LYPD6: variants seen among roughly 807,000 people sequenced by gnomAD.
LYPD6 encodes the protein LY6/PLAUR domain containing 6, also known as ly6/PLAUR domain-containing protein 6.
Under a neutral mutation model 22.7 loss-of-function variants are expected in LYPD6, and 15 were observed. That is an observed-to-expected ratio of 0.66 (90% CI 0.44 to 1.02). The LOEUF is 1.02. LYPD6 is among the 50% of genes least tolerant of loss of function. LYPD6 has a pLI of 0.00. For missense variants in LYPD6, 189 were observed against 208.4 expected, an observed-to-expected ratio of 0.91 and a Z score of 0.57; for synonymous variants, 72 against 77.5, an observed-to-expected ratio of 0.93 and a Z score of 0.37.
rs186168002 is a variant in LYPD6 at position 149,452,046 on chromosome 2, C to G, written c.217+2899C>G. ...TCACGTGCTGAGAAGATTGCAGTAG[C>G]TCTACAACTTGGAACTGGAGGTCCA... On this transcript the variant is annotated intron_variant, in intron 3 of 4. Transcript: ENST00000334166. Among the ~76,000 whole-genome samples, 1,124 of 152,308 alleles carry G rather than the reference C, an allele frequency of 7.4e-3. 6 individuals are homozygous for G. Among genetic ancestry groups the G allele is most frequent in the South Asian group, 0.012 (58 of 4,832 alleles).
downstream of LYPD6, among the ~76,000 whole-genome samples, chr2:149,476,431 C>T (rs749106604): frequency 5.9e-5 from 9 of 152,086 alleles, no homozygotes; most frequent in Non-Finnish European, 1.3e-4. Context: ...AAGTAGTTTT[C>T]TCGGGGTTTA....
At chr2:149,432,057 A>G (rs1429187944) in intron 1 of LYPD6, among the ~76,000 whole-genome samples, 1 of 152,226 alleles carries the variant, frequency 6.6e-6, no homozygotes, top group Admixed American at 6.5e-5. Flanking sequence ...TCAGCGTGAG[A>G]TATACTTCAC....
Position 149,425,877 on chromosome 2 carries a change from A to G in LYPD6, c.-71-11761A>G, listed in dbSNP as rs1477009177. ...ATTATAGTTTAGGTTGATTTAGCCAATCTTATACCCTTTCACAAAAATAAA... is the reference window on the plus strand; with the variant it reads ...ATTATAGTTTAGGTTGATTTAGCCAGTCTTATACCCTTTCACAAAAATAAA... On this transcript the variant is annotated intron_variant, in intron 1 of 4. Coordinates refer to ENST00000334166, the MANE Select transcript of LYPD6 (RefSeq NM_194317.5). Among the ~76,000 whole-genome samples, 3 of 152,332 alleles carry G rather than the reference A, an allele frequency of 2.0e-5. No homozygotes were observed. The East Asian group carries it at 5.8e-4, about 29-fold the overall frequency.
chr2:149,393,834 C>G (rs765548576), intron 1 of LYPD6, among the ~76,000 whole-genome samples: 5 of 152,178 alleles, frequency 3.3e-5, no homozygotes, highest in Non-Finnish European at 5.9e-5. Flanking sequence ...TCTAAGTTCT[C>G]CTGGAATCCA....
In LYPD6 at chr2:149,437,703, T is replaced by C; in HGVS notation, c.-6T>C. 6.2e-7 allele frequency: 1 copy of C among 1,614,056 alleles called. No individual in the cohort carries two copies. The highest frequency in any genetic ancestry group is 1.3e-5 in the African/African-American group (1 of 75,052). On this transcript the variant is annotated 5_prime_UTR_variant, in exon 2 of 5. Transcript: ENST00000334166. ...GCCCTCTGTATGAGTGACACTTCAG[T>C]CTGCCATGGAACCTGGCCCTGCTCT...
rs1411695816 is a variant in LYPD6 at position 149,344,633 on chromosome 2, T to C, written c.-72+13911T>C. Among the ~76,000 whole-genome samples, 5 of 152,224 alleles carry C rather than the reference T, an allele frequency of 3.3e-5. No individual in the cohort carries two copies. In the East Asian group the frequency reaches 9.6e-4, roughly 29 times the overall value. ...CATCTTTAGAATTACAAAAGATGTT[T>C]ATCACCCCTTGCCTTACCAACACCA... On this transcript the variant is annotated intron_variant, in intron 1 of 4. Transcript: ENST00000334166.
At chr2:149,432,784 T>C (rs1683346284) in intron 1 of LYPD6, among the ~76,000 whole-genome samples, 1 of 152,126 alleles carries the variant, frequency 6.6e-6, no homozygotes, top group African/African-American at 2.4e-5. Context: ...GGGGAGGGCA[T>C]GGTAAGAGAT....
chr2:149,336,928 CG>C (rs1559116668), intron 1 of LYPD6, among the ~76,000 whole-genome samples: 6,149 of 148,470 alleles, frequency 0.041, 348 homozygotes, highest in African/African-American at 0.12. Flanking sequence ...GTTGAAATAA[CG>C]TGTGTGTGTG....
chr2:149,460,620 C>T (rs548164039), intron 3 of LYPD6, among the ~76,000 whole-genome samples: 29 of 152,210 alleles, frequency 1.9e-4, no homozygotes, highest in African/African-American at 6.0e-4. Flanking sequence ...TTCAACAGCA[C>T]CATTAACCAA....
intron 1 of LYPD6, among the ~76,000 whole-genome samples, chr2:149,342,074 G>C (rs11888716): frequency 0.28 from 42,168 of 152,066 alleles, 6,468 homozygotes; most frequent in East Asian, 0.61. Flanking sequence ...CTCTGCTGCT[G>C]TGTCCTTATA....
At chr2:149,406,599 A>G (rs562527111) in intron 1 of LYPD6, among the ~76,000 whole-genome samples, 3 of 152,180 alleles carry the variant, frequency 2.0e-5, no homozygotes, top group Middle Eastern at 3.4e-3. Context: ...ATCTTCCTCC[A>G]TCCTTTTATT....
chr2:149,348,036 C>T (rs916758320), intron 1 of LYPD6, among the ~76,000 whole-genome samples: 7 of 119,818 alleles, frequency 5.8e-5, no homozygotes, highest in Non-Finnish European at 8.0e-5. Flanking sequence ...GCCAACATTG[C>T]GAAACCCTGA....
chr2:149,429,137 A>G (rs936480065), intron 1 of LYPD6, among the ~76,000 whole-genome samples: 6 of 152,058 alleles, frequency 3.9e-5, no homozygotes, highest in Admixed American at 3.3e-4. Flanking sequence ...TAAAAATGAC[A>G]CTTTTGCTCT....
At chr2:149,398,467 G>A (rs374625594) in intron 1 of LYPD6, among the ~76,000 whole-genome samples, 10 of 150,148 alleles carry the variant, frequency 6.7e-5, no homozygotes, top group South Asian at 2.1e-4. Flanking sequence ...GTGCACACTC[G>A]TTTTGTTGTT....
intron 1 of LYPD6, among the ~76,000 whole-genome samples, chr2:149,431,798 C>G (rs1683319618): frequency 6.6e-6 from 1 of 151,972 alleles, no homozygotes; most frequent in African/African-American, 2.4e-5. Context: ...TTTTGTAGAT[C>G]AAAGGACTCC....
At chr2:149,443,018 AT>A (rs1358428256) in intron 2 of LYPD6, among the ~76,000 whole-genome samples, 2 of 152,218 alleles carry the variant, frequency 1.3e-5, no homozygotes, top group South Asian at 2.1e-4. Context: ...AGGTAAAAGA[AT>A]TTAAGCAAAG....
chr2:149,385,675 CGTTT>C (rs566228939), intron 1 of LYPD6, among the ~76,000 whole-genome samples: 50 of 152,052 alleles, frequency 3.3e-4, no homozygotes, highest in Non-Finnish European at 6.0e-4. Flanking sequence ...AATTAAGCCT[CGTTT>C]GTTTGTGCTC....
intron 3 of LYPD6, among the ~76,000 whole-genome samples, chr2:149,462,056 C>A (rs1305675033): frequency 6.6e-6 from 1 of 151,756 alleles, no homozygotes; most frequent in Non-Finnish European, 1.5e-5. Flanking sequence ...TGCAATAAGA[C>A]AAGAAAAGTA....
chr2:149,365,705 G>A (rs968547074), intron 1 of LYPD6, among the ~76,000 whole-genome samples: 1 of 151,784 alleles, frequency 6.6e-6, no homozygotes, highest in African/African-American at 2.4e-5. Flanking sequence ...ATATTAAACT[G>A]ATAAGAACAG....
Sources: gnomAD v4.1 joint callset for allele counts (sites outside exome capture counted in the v4.1 genomes callset) on GRCh38, gnomAD v4.1.1 for gene constraint, MANE v1.5 for transcripts, NCBI Gene and HGNC (gene_info 2026-07-23, HGNC 2026-07-21) for gene names.